The following RPH3A variants were observed in gnomAD, a reference collection of about 807,000 sequenced individuals.
RPH3A encodes rabphilin-3A.
Under a neutral mutation model 102.2 loss-of-function variants are expected in RPH3A, and 48 were observed. That is an observed-to-expected ratio of 0.47 (90% CI 0.37 to 0.60). RPH3A has a LOEUF of 0.60. Ranked by LOEUF, RPH3A falls within the 20% of genes least tolerant of loss-of-function variation. The pLI, the probability that RPH3A is intolerant of heterozygous loss-of-function variation, is 0.00. For missense variants in RPH3A, 781 were observed against 910.1 expected, an observed-to-expected ratio of 0.86 and a Z score of 1.83; for synonymous variants, 310 against 324.3, an observed-to-expected ratio of 0.96 and a Z score of 0.47.
intron 1 of RPH3A, among the ~76,000 whole-genome samples, chr12:112,657,476 G>C (rs899937566): frequency 6.6e-6 from 1 of 152,098 alleles, no homozygotes; most frequent in Admixed American, 6.6e-5. Context: ...GTACAGAATT[G>C]CATGTGCTAT....
intron 1 of RPH3A, among the ~76,000 whole-genome samples, chr12:112,689,832 A>G (rs916641193): frequency 3.9e-5 from 6 of 152,198 alleles, no homozygotes; most frequent in African/African-American, 1.2e-4. Context: ...ATATCTCTAC[A>G]ACAGATCTGT....
chr12:112,629,896 G>A (rs914554854), intron 1 of RPH3A, among the ~76,000 whole-genome samples: 4 of 152,090 alleles, frequency 2.6e-5, no homozygotes, highest in Non-Finnish European at 5.9e-5. Flanking sequence ...CTGTGAAGTA[G>A]ATGTCATGAG....
chr12:112,858,938 C>A (rs1208882376), intron 5 of RPH3A, among the ~76,000 whole-genome samples: 2 of 152,192 alleles, frequency 1.3e-5, no homozygotes, highest in African/African-American at 4.8e-5. Flanking sequence ...AGCACCCAGC[C>A]TGGTGATGGA....
At chr12:112,585,312 G>T (rs1442522753) in intron 1 of RPH3A, among the ~76,000 whole-genome samples, 1 of 152,154 alleles carries the variant, frequency 6.6e-6, no homozygotes, top group Non-Finnish European at 1.5e-5. Context: ...ACAATACTTT[G>T]CATCCTTCAA....
intron 1 of RPH3A, among the ~76,000 whole-genome samples, chr12:112,584,325 T>C (rs540238042): frequency 7.2e-5 from 11 of 152,150 alleles, no homozygotes; most frequent in Admixed American, 7.2e-4. Context: ...GATGTTTCTG[T>C]TCATATCTAC....
chr12:112,832,264 C>T (rs1270091261), intron 3 of RPH3A, among the ~76,000 whole-genome samples: 1 of 152,120 alleles, frequency 6.6e-6, no homozygotes, highest in African/African-American at 2.4e-5. Flanking sequence ...TGCCATTAAA[C>T]CACCCATTGC....
intron 1 of RPH3A, among the ~76,000 whole-genome samples, chr12:112,704,546 T>C (rs1345307764): frequency 6.6e-6 from 1 of 152,126 alleles, no homozygotes; most frequent in Non-Finnish European, 1.5e-5. Flanking sequence ...AGGGTGGGGT[T>C]CCACTTCTCC....
intron 1 of RPH3A, among the ~76,000 whole-genome samples, chr12:112,677,663 C>T (rs2040189752): frequency 1.3e-5 from 2 of 151,758 alleles, no homozygotes; most frequent in South Asian, 4.2e-4. Flanking sequence ...CCTCAGTTTC[C>T]TCTTCTGTAA....
intron 1 of RPH3A, among the ~76,000 whole-genome samples, chr12:112,631,506 T>A (rs1406831828): frequency 6.6e-6 from 1 of 152,108 alleles, no homozygotes; most frequent in Non-Finnish European, 1.5e-5. Context: ...TGTATAAATT[T>A]ATTTTCTTAT....
chr12:112,778,899 G>A (rs1375153917), intron 1 of RPH3A, among the ~76,000 whole-genome samples: 2 of 152,154 alleles, frequency 1.3e-5, no homozygotes, highest in African/African-American at 4.8e-5. Context: ...AATTAATTAG[G>A]CATGGACATG....
At chr12:112,797,894 G>C (rs2041265163) in intron 2 of RPH3A, among the ~76,000 whole-genome samples, 1 of 152,026 alleles carries the variant, frequency 6.6e-6, no homozygotes, top group Non-Finnish European at 1.5e-5. Context: ...TCTCTATGTT[G>C]CTCAGGCTGG....
intron 1 of RPH3A, among the ~76,000 whole-genome samples, chr12:112,767,858 G>T (rs1028263659): frequency 2.0e-5 from 3 of 152,120 alleles, no homozygotes; most frequent in Non-Finnish European, 4.4e-5. Flanking sequence ...AAAGAAACCT[G>T]CTGCAAAAGG....
At chr12:112,820,142 G>A (rs2041752377) in intron 2 of RPH3A, among the ~76,000 whole-genome samples, 1 of 152,126 alleles carries the variant, frequency 6.6e-6, no homozygotes, top group African/African-American at 2.4e-5. Flanking sequence ...ACACCTTTAG[G>A]GAGCAATGCT....
chr12:112,583,180 T>C (rs1020540883), intron 1 of RPH3A, among the ~76,000 whole-genome samples: 9 of 152,244 alleles, frequency 5.9e-5, no homozygotes, highest in African/African-American at 2.2e-4. Context: ...TTGAGTTCTT[T>C]TGTCTGCACG....
chr12:112,707,148 G>C (rs903323380), intron 1 of RPH3A, among the ~76,000 whole-genome samples: 2 of 152,298 alleles, frequency 1.3e-5, no homozygotes, highest in African/African-American at 2.4e-5. Context: ...GTTTCATTGT[G>C]AGATGCTTGA....
At chr12:112,612,425 C>T (rs1307293372) in intron 1 of RPH3A, among the ~76,000 whole-genome samples, 1 of 152,174 alleles carries the variant, frequency 6.6e-6, no homozygotes, top group Non-Finnish European at 1.5e-5. Context: ...AAGTTGTTAG[C>T]ACCTCACATT....
chr12:112,605,250 C>T (rs1200803810), intron 1 of RPH3A, among the ~76,000 whole-genome samples: 1 of 152,126 alleles, frequency 6.6e-6, no homozygotes, highest in African/African-American at 2.4e-5. Flanking sequence ...TGGCACACAC[C>T]TATAACCCCA....
chr12:112,818,103 G>A (rs1381597514), intron 2 of RPH3A, among the ~76,000 whole-genome samples: 1 of 152,038 alleles, frequency 6.6e-6, no homozygotes, highest in Non-Finnish European at 1.5e-5. Context: ...ACGAGGTCAG[G>A]AGATCGAGAC....
intron 5 of RPH3A, among the ~76,000 whole-genome samples, chr12:112,849,161 A>G (rs917513046): frequency 1.3e-5 from 2 of 152,146 alleles, no homozygotes; most frequent in African/African-American, 4.8e-5. Flanking sequence ...GGATGCAGGA[A>G]GTGGATGCCT....
Sources: gnomAD v4.1 joint callset for allele counts (sites outside exome capture counted in the v4.1 genomes callset) on GRCh38, gnomAD v4.1.1 for gene constraint, MANE v1.5 for transcripts, NCBI Gene and HGNC (gene_info 2026-07-23, HGNC 2026-07-21) for gene names.